The following CSMD1 variants were observed in gnomAD, a reference collection of about 807,000 sequenced individuals.
The protein encoded by CSMD1 is CUB and Sushi multiple domains 1, also known as CUB and sushi domain-containing protein 1.
CSMD1 carries 213 observed loss-of-function variants against 417.5 expected under a neutral mutation model. The ratio of observed to expected loss-of-function variants is 0.51; its 90% CI spans 0.46 to 0.57. CSMD1 has a LOEUF of 0.57. CSMD1 is among the 20% of genes least tolerant of loss of function. The pLI, the probability that CSMD1 is intolerant of heterozygous loss-of-function variation, is 0.00. For missense variants in CSMD1, 6,923 were observed against 4,529.7 expected (o/e 1.53, Z -15.17); for synonymous variants, 2,862 against 1,736.8 (o/e 1.65, Z -16.11).
intron 11 of CSMD1, among the ~76,000 whole-genome samples, chr8:3,481,618 T>G (rs1260594093): frequency 6.6e-6 from 1 of 152,294 alleles, no homozygotes; most frequent in East Asian, 1.9e-4. Flanking sequence ...TGTGGGGGAT[T>G]GTCCTGAATG....
intron 1 of CSMD1, among the ~76,000 whole-genome samples, chr8:4,739,714 C>T (rs1464210090): frequency 6.6e-6 from 1 of 152,158 alleles, no homozygotes; most frequent in South Asian, 2.1e-4. Context: ...TAGCACTTTA[C>T]TAGGAGCTCG....
chr8:4,829,070 C>T (rs913293772), intron 1 of CSMD1, among the ~76,000 whole-genome samples: 1 of 152,036 alleles, frequency 6.6e-6, no homozygotes, highest in Non-Finnish European at 1.5e-5. Flanking sequence ...TACCTTTCTC[C>T]ACTAACATTT....
chr8:4,319,908 G>C (rs10101702), intron 3 of CSMD1, among the ~76,000 whole-genome samples: 130,109 of 152,164 alleles, frequency 0.86, 56,632 homozygotes, highest in East Asian at 1. Context: ...AAGATCCACC[G>C]GAAAGCAGTA....
intron 3 of CSMD1, among the ~76,000 whole-genome samples, chr8:4,201,970 A>G (rs1169150218): frequency 6.6e-6 from 1 of 152,156 alleles, no homozygotes; most frequent in Non-Finnish European, 1.5e-5. Flanking sequence ...ACAGAAAACA[A>G]AAATGAATCC....
intron 5 of CSMD1, among the ~76,000 whole-genome samples, chr8:3,886,450 G>A (rs751536178): frequency 6.6e-6 from 1 of 152,184 alleles, no homozygotes; most frequent in Non-Finnish European, 1.5e-5. Context: ...TCTTTACAAG[G>A]CCAGATAATA....
At chr8:4,346,675 A>T (rs1800795301) in intron 3 of CSMD1, among the ~76,000 whole-genome samples, 2 of 152,180 alleles carry the variant, frequency 1.3e-5, no homozygotes, top group South Asian at 4.1e-4. Flanking sequence ...TTTTTTTCTA[A>T]TTTGCCTCGT....
At chr8:4,439,061 C>G (rs539621744) in intron 2 of CSMD1, among the ~76,000 whole-genome samples, 69 of 152,246 alleles carry the variant, frequency 4.5e-4, no homozygotes, top group Non-Finnish European at 7.2e-4. Context: ...TGATATAGGT[C>G]TTATTGGCGC....
intron 5 of CSMD1, among the ~76,000 whole-genome samples, chr8:3,911,787 A>T (rs1584951955): frequency 6.6e-6 from 1 of 152,326 alleles, no homozygotes; most frequent in African/African-American, 2.4e-5. Context: ...ATTTCTCAAT[A>T]GACTGAAACT....
At chr8:4,674,369 G>T (rs567994499) in intron 1 of CSMD1, among the ~76,000 whole-genome samples, 1 of 152,234 alleles carries the variant, frequency 6.6e-6, no homozygotes, top group South Asian at 2.1e-4. Context: ...GTTGATGCCA[G>T]GATAGGTTGA....
chr8:4,226,163 A>G (rs1288414459), intron 3 of CSMD1, among the ~76,000 whole-genome samples: 5 of 151,958 alleles, frequency 3.3e-5, no homozygotes, highest in African/African-American at 7.3e-5. Flanking sequence ...GTTACTTGGC[A>G]TCTTACTCTT....
In CSMD1 at chr8:3,369,270, T is replaced by C; in HGVS notation, c.2883A>G (p.Glu961=). 6.4e-7 allele frequency: 1 copy of C among 1,564,038 alleles called. No individual in the cohort carries two copies. The highest frequency in any genetic ancestry group is 8.8e-7 in the Non-Finnish European group (1 of 1,135,044). Residue 961 remains glutamate, a synonymous_variant, in exon 19 of 70, where the codon GAA becomes GAG. Transcript: ENST00000635120. ...PNSLNCTWTI[E]VSHGKGVQMI... is the part of the protein sequence containing the mutation. ...GATTCTTACCTTTCCCATGAGACAC[T>C]TCAATGGTCCACGTGCAGTTTAGAG...
chr8:3,806,845 C>T (rs6420215), intron 5 of CSMD1, among the ~76,000 whole-genome samples: 121,495 of 152,108 alleles, frequency 0.8, 48,647 homozygotes, highest in African/African-American at 0.83. Flanking sequence ...GTCTAGCTAG[C>T]AGACACAATG....
chr8:3,552,599 A>C (rs1019797467), intron 10 of CSMD1, among the ~76,000 whole-genome samples: 3 of 152,198 alleles, frequency 2.0e-5, no homozygotes, highest in African/African-American at 7.2e-5. Flanking sequence ...AGGTATTTTA[A>C]GGAATTAAGA....
chr8:3,793,348 T>C (rs994791645), intron 5 of CSMD1, among the ~76,000 whole-genome samples: 1 of 152,222 alleles, frequency 6.6e-6, no homozygotes, highest in Non-Finnish European at 1.5e-5. Context: ...ATGACTATCA[T>C]TTAAATTCTG....
Position 4,536,510 on chromosome 8 carries a change from T to C in CSMD1, c.302+100832A>G, listed in dbSNP as rs191712426. ...TACCTTGTCTTTTTCTCTTAACAAA[T>C]CTCACATGTCATGATATTGTATACA... On this transcript the variant is annotated intron_variant, in intron 2 of 69. Transcript: ENST00000635120. Among the ~76,000 whole-genome samples the C allele has an allele frequency of 1.4e-3, 219 of 152,294 alleles. 3 individuals are homozygous for C. The highest frequency in any genetic ancestry group is 5.0e-4 in the Non-Finnish European group (34 of 68,012).
chr8:3,585,788 T>G (rs1014536921), intron 9 of CSMD1, among the ~76,000 whole-genome samples: 1 of 152,166 alleles, frequency 6.6e-6, no homozygotes, highest in Non-Finnish European at 1.5e-5. Context: ...ATTTTTAGGT[T>G]TGCGGGGTGC....
chr8:3,719,082 G>C (rs151056608), intron 6 of CSMD1, among the ~76,000 whole-genome samples: 2 of 152,080 alleles, frequency 1.3e-5, no homozygotes, highest in Non-Finnish European at 1.5e-5. Flanking sequence ...GGAAAACAGA[G>C]GTGTCTCAGA....
At chr8:2,956,985 C>A (rs1803060187) in intron 63 of CSMD1, among the ~76,000 whole-genome samples, 1 of 150,468 alleles carries the variant, frequency 6.6e-6, no homozygotes, top group Non-Finnish European at 1.5e-5. Flanking sequence ...AAAAATCACA[C>A]CTTATATACT....
intron 5 of CSMD1, among the ~76,000 whole-genome samples, chr8:3,953,161 C>A (rs1237059916): frequency 1.3e-5 from 2 of 151,696 alleles, no homozygotes; most frequent in Non-Finnish European, 2.9e-5. Flanking sequence ...AAAAAAAAAT[C>A]AAACTGGATT....
Sources: allele counts gnomAD v4.1 joint callset (sites outside exome capture counted in the v4.1 genomes callset), GRCh38; gene constraint gnomAD v4.1.1; transcripts MANE v1.5; gene names NCBI Gene and HGNC (gene_info 2026-07-23, HGNC 2026-07-21).